CCDC93: variants seen among roughly 807,000 people sequenced by gnomAD.
CCDC93 encodes CCC complex scaffolding subunit CCDC93.
In CCDC93, 61 loss-of-function variants were observed where a neutral mutation model predicts 108.2. That is an observed-to-expected ratio of 0.56 (90% CI 0.46 to 0.70). CCDC93 has a LOEUF of 0.70. Ranked by LOEUF, CCDC93 falls within the 30% of genes least tolerant of loss-of-function variation. The probability of loss-of-function intolerance (pLI) is 0.00; values close to 1 mark genes in which losing one functional copy is unlikely to be tolerated. For missense variants in CCDC93, 685 were observed against 764.2 expected (o/e 0.90, Z 1.22); for synonymous variants, 276 against 260.4 (o/e 1.06, Z -0.58).
At chr2:118,012,271 C>T (rs1202932974) in intron 1 of CCDC93, among the ~76,000 whole-genome samples, 6 of 103,670 alleles carry the variant, frequency 5.8e-5, no homozygotes, top group Non-Finnish European at 1.2e-4. Flanking sequence ...GAGACTCTGT[C>T]TCAAAAAAAA....
At chr2:117,985,608 C>T (rs182748503) in intron 7 of CCDC93, 1 of 156,412 alleles carries the variant, frequency 6.4e-6, no homozygotes, top group East Asian at 1.9e-4. Context: ...GGACAATATT[C>T]ACAGGAAATT....
chr2:117,939,096 T>C lies in CCDC93; in HGVS notation c.1538A>G (p.Lys513Arg), dbSNP rs1359361438. 1 of 1,606,078 alleles carries C rather than the reference T, an allele frequency of 6.2e-7. No individual in the cohort carries two copies. Among genetic ancestry groups the C allele is most frequent in the South Asian group, 1.1e-5 (1 of 90,710 alleles). Residue 513 changes from lysine (K) to arginine (R), a missense_variant, in exon 20 of 24, where the codon AAA (lysine) becomes AGA (arginine). By Grantham distance (26) the Lys-to-Arg change is conservative (BLOSUM62 2). Transcript: ENST00000376300. ...ELYRQISAVH[K>R]ETKQFFTLYN... ...TAAAGTGAAGAACTGCTTGGTTTCT[T>C]TGTGCACTGCTGAAACTGTAAAAGT...
chr2:117,989,786 A>G (rs1339236565), intron 6 of CCDC93, among the ~76,000 whole-genome samples: 2 of 152,244 alleles, frequency 1.3e-5, no homozygotes, highest in African/African-American at 4.8e-5. Flanking sequence ...AGATATATAC[A>G]TATTTACATG....
chr2:117,977,925 T>C (rs1679994142), intron 8 of CCDC93, 69 bp downstream of exon 8: 1 of 1,393,322 alleles, frequency 7.2e-7, no homozygotes, highest in Non-Finnish European at 1.0e-6. Context: ...CTTGTGAGTG[T>C]TAGTCAGAGG....
chr2:117,974,057 C>A (rs1377356037), intron 10 of CCDC93, 63 bp from the exon 11 acceptor site: 17 of 1,003,868 alleles, frequency 1.7e-5, no homozygotes, highest in Non-Finnish European at 2.5e-5. Context: ...ACTGGAAAAT[C>A]TGAACACTCT....
At chr2:117,966,688 G>T (rs1249758885) in intron 11 of CCDC93, among the ~76,000 whole-genome samples, 1 of 152,180 alleles carries the variant, frequency 6.6e-6, no homozygotes, top group Non-Finnish European at 1.5e-5. Flanking sequence ...ACTTTCCTTT[G>T]TGTTTTTTCA....
chr2:118,003,688 A>T (rs1676780282), intron 3 of CCDC93, among the ~76,000 whole-genome samples: 1 of 152,116 alleles, frequency 6.6e-6, no homozygotes, highest in Non-Finnish European at 1.5e-5. Context: ...CTACTCACCC[A>T]GTTCATAAAG....
chr2:117,932,870 A>T (rs1377768470), intron 22 of CCDC93, among the ~76,000 whole-genome samples: 1 of 152,234 alleles, frequency 6.6e-6, no homozygotes. Context: ...AGGACCTCAC[A>T]GCTAGGTCCC....
intron 11 of CCDC93, among the ~76,000 whole-genome samples, chr2:117,968,598 T>C (rs184477843): frequency 6.6e-6 from 1 of 152,332 alleles, no homozygotes; most frequent in East Asian, 1.9e-4. Flanking sequence ...ACATGTTATG[T>C]TACACTCTTA....
intron 1 of CCDC93, 170 bp from the exon 2 acceptor site, chr2:118,008,828 G>A: frequency 1.7e-6 from 1 of 589,130 alleles, no homozygotes; most frequent in Admixed American, 3.1e-5. Context: ...TATGTGGACA[G>A]TGTTGTTGGA....
chr2:117,952,341 GC>G, intron 13 of CCDC93, 31 bp downstream of exon 13: 1 of 1,444,054 alleles, frequency 6.9e-7, no homozygotes, highest in Non-Finnish European at 9.8e-7. Context: ...CTTGACAAGG[GC>G]CCACAGAAGA....
intron 6 of CCDC93, among the ~76,000 whole-genome samples, chr2:117,986,731 C>T (rs1468439813): frequency 2.6e-5 from 4 of 152,122 alleles, no homozygotes; most frequent in South Asian, 4.1e-4. Flanking sequence ...GATATAATCT[C>T]AAACAATTTT....
intron 6 of CCDC93, among the ~76,000 whole-genome samples, chr2:117,987,758 C>G (rs1486182901): frequency 6.6e-6 from 1 of 152,150 alleles, no homozygotes; most frequent in East Asian, 1.9e-4. Context: ...AAAAATCTAC[C>G]ATGCTTTCCA....
chr2:118,010,641 T>C (rs990311376), intron 1 of CCDC93, among the ~76,000 whole-genome samples: 1 of 152,338 alleles, frequency 6.6e-6, no homozygotes, highest in East Asian at 1.9e-4. Context: ...ACAGCTTTCA[T>C]GTTATCCCTC....
chr2:117,940,796 T>G (rs1400564337), intron 19 of CCDC93, among the ~76,000 whole-genome samples: 1 of 152,080 alleles, frequency 6.6e-6, no homozygotes, highest in Non-Finnish European at 1.5e-5. Flanking sequence ...ATGATGCTGT[T>G]AAGGGTTAAG....
At chr2:117,955,899 A>G (rs1679202283) in intron 12 of CCDC93, among the ~76,000 whole-genome samples, 1 of 152,242 alleles carries the variant, frequency 6.6e-6, no homozygotes. Flanking sequence ...TTGCCAGGAA[A>G]CACAGCAGAC....
chr2:117,923,673 CCTGCCTG>C (rs1558765139), intron 23 of CCDC93, among the ~76,000 whole-genome samples: 1 of 104,942 alleles, frequency 9.5e-6, no homozygotes, highest in Non-Finnish European at 1.9e-5. Context: ...TGCCTGCCTG[CCTGCCTG>C]CCTCTATAGA....
intron 17 of CCDC93, chr2:117,944,728 C>T (rs1236530763): frequency 1.5e-5 from 7 of 471,024 alleles, no homozygotes; most frequent in Admixed American, 7.0e-5. Context: ...CCCTACCCAA[C>T]GCACCCAAGG....
intron 11 of CCDC93, among the ~76,000 whole-genome samples, chr2:117,964,018 G>A (rs892591899): frequency 2.6e-5 from 4 of 152,146 alleles, no homozygotes; most frequent in African/African-American, 9.7e-5. Flanking sequence ...TACTAATTAC[G>A]TAAGAGTCGA....
Sources: gnomAD v4.1 joint callset for allele counts (sites outside exome capture counted in the v4.1 genomes callset) on GRCh38, gnomAD v4.1.1 for gene constraint, MANE v1.5 for transcripts, NCBI Gene and HGNC (gene_info 2026-07-23, HGNC 2026-07-21) for gene names.